Variants in SYTL5 observed in about 807,000 individuals in gnomAD.
The protein encoded by SYTL5 is synaptotagmin like 5.
A neutral mutation model predicts 55.9 loss-of-function variants in SYTL5; 34 were observed. That is an observed-to-expected ratio of 0.61 (90% confidence interval 0.46 to 0.81). The LOEUF is 0.81. Ranked by LOEUF, SYTL5 falls within the 30% of genes least tolerant of loss-of-function variation. SYTL5 has a pLI of 0.00. For missense variants in SYTL5, 637 were observed against 546.7 expected (o/e 1.17, Z -1.65); for synonymous variants, 221 against 188.7 (o/e 1.17, Z -1.40).
intron 2 of SYTL5, among the ~76,000 whole-genome samples, chrX:38,051,015 T>C (rs1935608291): frequency 8.9e-6 from 1 of 112,111 alleles, no homozygotes; most frequent in Non-Finnish European, 1.9e-5. Flanking sequence ...GTAAGGAGAA[T>C]GGGAAGTATT....
chrX:37,979,239 AAAG>A, the SYTL5 span, among the ~76,000 whole-genome samples: 5 of 110,015 alleles, frequency 4.5e-5, no homozygotes, highest in East Asian at 1.4e-3. Flanking sequence ...GCGGGAGGGG[AAAG>A]AAGGAGGTTA....
At chrX:38,017,169 C>G (rs749212860) in intron 1 of SYTL5, among the ~76,000 whole-genome samples, 4 of 111,425 alleles carry the variant, frequency 3.6e-5, no homozygotes, top group Non-Finnish European at 5.6e-5. Context: ...CTACAAGGCC[C>G]GCAACTGTGT....
chrX:38,042,728 A>T (rs1281052573), intron 2 of SYTL5, among the ~76,000 whole-genome samples: 1 of 111,831 alleles, frequency 8.9e-6, no homozygotes, highest in Non-Finnish European at 1.9e-5. Context: ...GTAATCCAGA[A>T]CCTGGCTGAA....
chrX:37,977,632 G>T, the SYTL5 span, among the ~76,000 whole-genome samples: 1 of 107,477 alleles, frequency 9.3e-6, no homozygotes, highest in Non-Finnish European at 1.9e-5. Flanking sequence ...GGGAAATACT[G>T]TTGTGTCCAC....
At chrX:37,986,925 T>G in the SYTL5 span, among the ~76,000 whole-genome samples, 1 of 111,966 alleles carries the variant, frequency 8.9e-6, no homozygotes, top group East Asian at 2.8e-4. Flanking sequence ...CATGCAGGTT[T>G]GTTACATATG....
At chrX:38,102,897 C>A in intron 10 of SYTL5, 1 of 468,595 alleles carries the variant, frequency 2.1e-6, no homozygotes, top group South Asian at 3.9e-5. Context: ...CTTTAGTGTT[C>A]AAGGCCTTTT....
At chrX:37,964,333 C>A in the SYTL5 span, among the ~76,000 whole-genome samples, 1 of 112,152 alleles carries the variant, frequency 8.9e-6, no homozygotes, top group South Asian at 3.7e-4. Context: ...TATAAGCCAA[C>A]CAGCTTATGT....
chrX:38,056,274 C>T (rs1054889014), intron 3 of SYTL5, among the ~76,000 whole-genome samples: 1 of 111,937 alleles, frequency 8.9e-6, no homozygotes, highest in African/African-American at 3.2e-5. Context: ...TTTTCATCCA[C>T]GTTGTTGCAA....
chrX:38,117,836 C>T (rs764901643), intron 13 of SYTL5, among the ~76,000 whole-genome samples: 8 of 111,622 alleles, frequency 7.2e-5, no homozygotes, highest in South Asian at 3.8e-4. Context: ...AGGAAGCATT[C>T]GGAAATATCC....
At chrX:37,986,079 ATCT>A in the SYTL5 span, among the ~76,000 whole-genome samples, 1 of 112,233 alleles carries the variant, frequency 8.9e-6, no homozygotes, top group Non-Finnish European at 1.9e-5. Context: ...TAGGAAAAAA[ATCT>A]TCATGACCTC....
At chrX:38,008,922 A>G (rs1288395421) in intron 1 of SYTL5, among the ~76,000 whole-genome samples, 1 of 112,040 alleles carries the variant, frequency 8.9e-6, no homozygotes, top group East Asian at 2.8e-4. Flanking sequence ...GTCTGCCTTT[A>G]TATATCTCCA....
the SYTL5 span, among the ~76,000 whole-genome samples, chrX:37,956,252 TTTAA>T: frequency 1.8e-5 from 2 of 112,227 alleles, no homozygotes; most frequent in African/African-American, 3.2e-5. Context: ...AATCAAGTCA[TTTAA>T]TTAATTAGAT....
chrX:37,922,442 G>C, the SYTL5 span, among the ~76,000 whole-genome samples: 1 of 112,361 alleles, frequency 8.9e-6, no homozygotes, highest in Non-Finnish European at 1.9e-5. Flanking sequence ...TAAAGGGATA[G>C]TTTGAAGTAA....
In SYTL5 at chrX:38,033,874, C is replaced by A. The variant is rs1281596609; in HGVS notation, c.-16C>A. The A allele has an allele frequency of 9.9e-7, 1 of 1,014,807 alleles. No individual in the cohort carries two copies. Among genetic ancestry groups the A allele is most frequent in the Admixed American group, 2.3e-5 (1 of 43,735 alleles). 83.6% of individuals were successfully genotyped at this position (1,014,807 alleles called of 1,213,427 possible). A position where few individuals can be genotyped will look rare whatever the true frequency, so the allele number is the denominator to read the frequency against. On this transcript the variant is annotated 5_prime_UTR_variant, in exon 2 of 17. In the 5' UTR this introduces an upstream ATG that the reference lacks. Coordinates refer to ENST00000297875, the MANE Select transcript of SYTL5 (RefSeq NM_138780.3). ...AAGATTCAACCACTGCTACTCAGAG[C>A]TGCTGCTGAAATACCATGTCTAAGA...
intron 3 of SYTL5, among the ~76,000 whole-genome samples, chrX:38,062,003 T>C (rs1401411952): frequency 1.8e-5 from 2 of 110,622 alleles, no homozygotes; most frequent in African/African-American, 6.6e-5. Flanking sequence ...AGTCTTGCTC[T>C]GTCACCCAAG....
At chrX:37,959,871 C>G in the SYTL5 span, among the ~76,000 whole-genome samples, 1 of 111,896 alleles carries the variant, frequency 8.9e-6, no homozygotes, top group Non-Finnish European at 1.9e-5. Context: ...GGCCTCCAGG[C>G]TGTTCATGCC....
the SYTL5 span, among the ~76,000 whole-genome samples, chrX:37,942,029 A>C: frequency 8.0e-5 from 9 of 111,971 alleles, no homozygotes; most frequent in African/African-American, 2.9e-4. Context: ...TAGTGGTATA[A>C]ATTTTCTAAT....
upstream of SYTL5, among the ~76,000 whole-genome samples, chrX:38,003,463 A>T (rs978621299): frequency 9.0e-6 from 1 of 111,148 alleles, no homozygotes; most frequent in Non-Finnish European, 1.9e-5. Flanking sequence ...TCCTGAGTGA[A>T]CTCCCATTCA....
At chrX:37,910,573 A>G in the SYTL5 span, among the ~76,000 whole-genome samples, 1 of 112,364 alleles carries the variant, frequency 8.9e-6, no homozygotes, top group Non-Finnish European at 1.9e-5. Context: ...ATTCTAATCC[A>G]ATAAGTCTAG....
Sources: allele counts gnomAD v4.1 joint callset (sites outside exome capture counted in the v4.1 genomes callset), GRCh38; gene constraint gnomAD v4.1.1; transcripts MANE v1.5; gene names NCBI Gene and HGNC (gene_info 2026-07-23, HGNC 2026-07-21).